Variants in OSBP2 observed in about 807,000 individuals in gnomAD.
OSBP2 encodes oxysterol-binding protein 2.
Under a neutral mutation model 96.0 loss-of-function variants are expected in OSBP2, and 66 were observed. That is an observed-to-expected ratio of 0.69 (90% CI 0.56 to 0.84). The LOEUF is 0.84. Ranked by LOEUF, OSBP2 falls within the 40% of genes least tolerant of loss-of-function variation. OSBP2 has a pLI of 0.00. For synonymous variants in OSBP2, 525 were observed against 520.9 expected (o/e 1.01, Z -0.11); for missense variants, 1,038 against 1,222.7 (o/e 0.85, Z 2.25).
upstream of OSBP2, chr22:30,694,369 GCGT>G: frequency 6.6e-7 from 1 of 1,523,040 alleles, no homozygotes; most frequent in East Asian, 2.5e-5. Flanking sequence ...GGGGGGCGGG[GCGT>G]CGTCTTTAGC....
intron 2 of OSBP2, among the ~76,000 whole-genome samples, chr22:30,767,695 A>C (rs2090293362): frequency 6.6e-6 from 1 of 152,192 alleles, no homozygotes; most frequent in Admixed American, 6.6e-5. Context: ...AGGGCTGAGA[A>C]AGGGGCCGCA....
chr22:30,861,643 C>T (rs1469250472), intron 2 of OSBP2, among the ~76,000 whole-genome samples: 1 of 152,216 alleles, frequency 6.6e-6, no homozygotes, highest in East Asian at 1.9e-4. Context: ...AGCCGCCTGC[C>T]TCTTGTAGAG....
chr22:30,780,899 G>A (rs2090509912), intron 2 of OSBP2, among the ~76,000 whole-genome samples: 1 of 152,208 alleles, frequency 6.6e-6, no homozygotes, highest in Non-Finnish European at 1.5e-5. Flanking sequence ...GGTGACCAGG[G>A]AGCTGGGCTT....
At chr22:30,841,683 A>AATGTATAT (rs1319806044) in intron 2 of OSBP2, among the ~76,000 whole-genome samples, 2 of 152,214 alleles carry the variant, frequency 1.3e-5, no homozygotes, top group Non-Finnish European at 2.9e-5. Context: ...TCTAAAAAAC[A>AATGTATAT]ATGTATATAT....
chr22:30,821,867 G>T (rs191127804), intron 2 of OSBP2, among the ~76,000 whole-genome samples: 1 of 152,220 alleles, frequency 6.6e-6, no homozygotes, highest in Non-Finnish European at 1.5e-5. Context: ...AGAAATCAGC[G>T]TTCTCTGATC....
At chr22:30,847,301 G>A (rs1425644872) in intron 2 of OSBP2, among the ~76,000 whole-genome samples, 1 of 150,956 alleles carries the variant, frequency 6.6e-6, no homozygotes, top group Non-Finnish European at 1.5e-5. Flanking sequence ...CTTTTTCCCT[G>A]AGAGGGAGTC....
chr22:30,890,950 G>A lies in OSBP2; in HGVS notation c.1846G>A (p.Gly616Ser), dbSNP rs1212863229. 1 of 1,609,492 alleles carries A rather than the reference G, an allele frequency of 6.2e-7. No homozygotes were observed. Among genetic ancestry groups the A allele is most frequent in the African/African-American group, 1.3e-5 (1 of 74,918 alleles). The change falls in exon 8 of 14, where the codon GGC (glycine) becomes AGC (serine). Residue 616 changes from glycine to serine, a missense_variant. By Grantham distance (56) the Gly-to-Ser change is moderately conservative. Coordinates refer to ENST00000332585, the MANE Select transcript of OSBP2 (RefSeq NM_030758.4). The surrounding 1 kb of genome is among the most constrained non-coding windows in gnomAD (Gnocchi z 4.4). ...CGAGCTGGACCGCCTCGACGACATG[G>A]GCCTGCGCTCCCTCTGTGAGCAGGT... ...TFELDRLDDM[G>S]LRSLCEQVSH... is the part of the protein sequence containing the mutation.
chr22:30,794,340 C>T (rs2090724558), intron 2 of OSBP2, among the ~76,000 whole-genome samples: 1 of 148,966 alleles, frequency 6.7e-6, no homozygotes, highest in South Asian at 2.1e-4. Flanking sequence ...CGACTCATTG[C>T]AACCTCCGCC....
At chr22:30,878,441 T>C (rs1263303764) in intron 3 of OSBP2, among the ~76,000 whole-genome samples, 1 of 152,094 alleles carries the variant, frequency 6.6e-6, no homozygotes. Context: ...AAAGAGGCCA[T>C]GGGGAAGGAC....
intron 2 of OSBP2, among the ~76,000 whole-genome samples, chr22:30,795,386 G>GTTCTCTC (rs1249190125): frequency 1.3e-5 from 2 of 152,022 alleles, no homozygotes; most frequent in Non-Finnish European, 2.9e-5. Flanking sequence ...TTCTGAACCT[G>GTTCTCTC]TTCTCTCTTC....
intron 12 of OSBP2, among the ~76,000 whole-genome samples, chr22:30,896,642 A>G (rs955868462): frequency 9.0e-5 from 12 of 133,908 alleles, no homozygotes; most frequent in Non-Finnish European, 1.7e-4. Context: ...CTACTGGCAA[A>G]CTGGATTTTT....
rs754830122 is a variant in OSBP2 at position 30,695,522 on chromosome 22, G to T, written c.613G>T (p.Val205Leu). ...YLKGYQRRWF[V>L]LGNGLLSYYR... ...GAAGGGCTACCAGCGCCGCTGGTTCGTGCTGGGCAATGGTTTGCTCTCTTA... is the reference window on the plus strand; with the variant it reads ...GAAGGGCTACCAGCGCCGCTGGTTCTTGCTGGGCAATGGTTTGCTCTCTTA... Residue 205 changes from valine (V) to leucine (L), a missense_variant, in exon 1 of 14, where the codon GTG (valine) becomes TTG (leucine). Transcript: ENST00000332585. The T allele has an allele frequency of 2.3e-5, 37 of 1,611,410 alleles. No individual in the cohort carries two copies. Among genetic ancestry groups the T allele is most frequent in the Non-Finnish European group, 3.1e-5 (37 of 1,179,988 alleles).
chr22:30,889,557 A>C lies in OSBP2; in HGVS notation c.1544A>C (p.Asn515Thr). The change falls in exon 7 of 14, where the codon AAC (asparagine) becomes ACC (threonine). Residue 515 changes from asparagine to threonine, a missense_variant. Coordinates refer to ENST00000332585, the MANE Select transcript of OSBP2 (RefSeq NM_030758.4). ...GTCAAGAGGCGAGTCCGCATTCCCA[A>C]CAAGCCCAACTACAGCCTTAACCTC... ...SKVKRRVRIPNKPNYSLNLWS... is the reference protein window; with the variant it reads ...SKVKRRVRIPTKPNYSLNLWS... 6.2e-7 allele frequency: 1 copy of C among 1,614,086 alleles called. No individual in the cohort carries two copies. The highest frequency in any genetic ancestry group is 1.1e-5 in the South Asian group (1 of 91,080).
At position 30,856,373 on chromosome 22, in the gene OSBP2, C is replaced by CTTTTTTTTTTTT. The variant is rs56875088; in HGVS notation, c.854-14037_854-14026dup. 4.9e-3 allele frequency among the ~76,000 whole-genome samples: 500 copies of CTTTTTTTTTTTT among 101,394 alleles called. 9 individuals carry two copies. Among genetic ancestry groups the CTTTTTTTTTTTT allele is most frequent in the Non-Finnish European group, 6.7e-3 (336 of 50,110 alleles). The allele number at this position is 101,394 out of a possible 152,430, so 66.5% of individuals were successfully genotyped here. ...CTTGGCAGTTGGAAACAGAGCCCTT[C>CTTTTTTTTTTTT]TTTTTTTTTTTTTTTTTTTTTTTTT... On this transcript the variant is annotated intron_variant, in intron 2 of 13. Transcript: ENST00000332585.
chr22:30,754,131 C>A (rs2090112717), intron 2 of OSBP2, among the ~76,000 whole-genome samples: 1 of 152,094 alleles, frequency 6.6e-6, no homozygotes, highest in African/African-American at 2.4e-5. Flanking sequence ...AATAGATTTT[C>A]CTTTGAATCT....
chr22:30,741,154 C>G lies in OSBP2; in HGVS notation c.645-7C>G. 1 of 1,610,948 alleles carries G rather than the reference C, an allele frequency of 6.2e-7. No homozygotes were observed. The highest frequency in any genetic ancestry group is 8.5e-7 in the Non-Finnish European group (1 of 1,177,272). On this transcript the variant is annotated splice_polypyrimidine_tract_variant and splice_region_variant and intron_variant, in intron 1 of 13. Transcript: ENST00000332585. ...CCTCACCCCATTCCTTCTCTTACAT[C>G]CTACAGAAATCAGGGTGAAATGGCC...
intron 2 of OSBP2, among the ~76,000 whole-genome samples, chr22:30,787,632 C>T (rs1041289452): frequency 6.6e-6 from 1 of 152,034 alleles, no homozygotes; most frequent in African/African-American, 2.4e-5. Context: ...GAGATCGTGC[C>T]ACTGCACTCC....
chr22:30,766,305 G>A (rs1168781607), intron 2 of OSBP2, among the ~76,000 whole-genome samples: 1 of 152,206 alleles, frequency 6.6e-6, no homozygotes, highest in Non-Finnish European at 1.5e-5. Flanking sequence ...GGCCTGGAAT[G>A]AACATTGAAT....
At chr22:30,902,304 G>C in intron 12 of OSBP2, 1 of 1,582,522 alleles carries the variant, frequency 6.3e-7, no homozygotes, top group South Asian at 1.1e-5. Flanking sequence ...AGCATAAGGA[G>C]TGTACGGGTA....
Sources: allele counts gnomAD v4.1 joint callset (sites outside exome capture counted in the v4.1 genomes callset), GRCh38; gene constraint gnomAD v4.1.1; non-coding constraint Gnocchi (gnomAD v3.1); transcripts MANE v1.5; gene names NCBI Gene and HGNC (gene_info 2026-07-23, HGNC 2026-07-21).